ARHGAP40: variants seen among roughly 807,000 people sequenced by gnomAD.
ARHGAP40 encodes rho GTPase-activating protein 40.
ARHGAP40 carries 43 observed loss-of-function variants against 73.5 expected under a neutral mutation model. The observed-to-expected ratio is 0.58, with a 90% CI of 0.46 to 0.75. The LOEUF is 0.75. Ranked by LOEUF, ARHGAP40 falls within the 30% of genes least tolerant of loss-of-function variation. ARHGAP40 has a pLI of 0.00. For missense variants in ARHGAP40, 734 were observed against 861.8 expected (o/e 0.85, Z 1.86); for synonymous variants, 300 against 352.8 (o/e 0.85, Z 1.68).
At chr20:38,628,231 GTC>G (rs2088914654) in intron 3 of ARHGAP40, among the ~76,000 whole-genome samples, 1 of 152,180 alleles carries the variant, frequency 6.6e-6, no homozygotes, top group Admixed American at 6.5e-5. Flanking sequence ...CTGTGGGCAT[GTC>G]TTATGGAGAG....
intron 14 of ARHGAP40, 44 bp from the exon 15 acceptor site, chr20:38,649,713 C>T (rs778820245): frequency 8.2e-7 from 1 of 1,221,056 alleles, no homozygotes; most frequent in Non-Finnish European, 1.1e-6. Flanking sequence ...AACAGCATCT[C>T]CTACAGCCTC....
At chr20:38,634,216 G>A (rs1255657213) in intron 5 of ARHGAP40, among the ~76,000 whole-genome samples, 1 of 152,104 alleles carries the variant, frequency 6.6e-6, no homozygotes, top group Non-Finnish European at 1.5e-5. Flanking sequence ...GCCAGGTGTC[G>A]AGGTGCACAC....
chr20:38,627,633 G>GGGTGTGTGTGGGAGTGTGTT (rs2088910166), intron 3 of ARHGAP40, among the ~76,000 whole-genome samples: 1 of 139,494 alleles, frequency 7.2e-6, no homozygotes, highest in African/African-American at 2.7e-5. Flanking sequence ...GTGTGTGTTG[G>GGGTGTGTGTGGGAGTGTGTT]GGTGTGTGTG....
Position 38,639,134 on chromosome 20 carries a change from T to C in ARHGAP40, c.1120-93T>C, listed in dbSNP as rs890806775. 4.9e-6 allele frequency: 6 copies of C among 1,228,288 alleles called. No individual in the cohort carries two copies. The African/African-American group carries it at 9.4e-5, about 19-fold the overall frequency. The allele number at this position is 1,228,288 out of a possible 1,614,324, so 76.1% of individuals were successfully genotyped here. A position where few individuals can be genotyped will look rare whatever the true frequency, so the allele number is the denominator to read the frequency against. On this transcript the variant is annotated intron_variant, in intron 8 of 14. Transcript: ENST00000373345. The stretch of plus-strand genomic sequence containing the variant: ...GGAGGTGCTCTTGTTGTCCCCACTT[T>C]GCAGATGAGGAAACCAAGCCCCAGA...
At chr20:38,627,618 GGT>G (rs200557725) in intron 3 of ARHGAP40, among the ~76,000 whole-genome samples, 13 of 81,720 alleles carry the variant, frequency 1.6e-4, no homozygotes, top group East Asian at 5.2e-4. Context: ...TGTGTGTGTT[GGT>G]GTGTGTGTGT....
chr20:38,639,240 A>C (rs1314119490), exon 9 of ARHGAP40: 1 of 1,305,458 alleles, frequency 7.7e-7, no homozygotes, highest in African/African-American at 1.5e-5. Context: ...CTGGAACAGA[A>C]ACTGGAGAGA....
At chr20:38,637,759 A>G in exon 7 of ARHGAP40, 2 of 1,305,318 alleles carry the variant, frequency 1.5e-6, no homozygotes, top group Non-Finnish European at 2.0e-6. Context: ...GCTGACCACA[A>G]AGTCCTCCCC....
intron 3 of ARHGAP40, among the ~76,000 whole-genome samples, chr20:38,628,316 T>C (rs2088915336): frequency 6.6e-6 from 1 of 151,910 alleles, no homozygotes; most frequent in Non-Finnish European, 1.5e-5. Context: ...ATCCTTTTTT[T>C]TTTTTTGAGA....
intron 2 of ARHGAP40, among the ~76,000 whole-genome samples, chr20:38,623,912 G>C (rs1320080711): frequency 6.6e-6 from 1 of 152,158 alleles, no homozygotes; most frequent in Non-Finnish European, 1.5e-5. Context: ...AATGTTCTAG[G>C]GAAATTCTAA....
At chr20:38,620,597 G>C (rs1444268519) in intron 1 of ARHGAP40, among the ~76,000 whole-genome samples, 3 of 152,240 alleles carry the variant, frequency 2.0e-5, no homozygotes, top group Admixed American at 1.3e-4. Context: ...TGTGCCCCCA[G>C]CATGGGGTGC....
intron 5 of ARHGAP40, 56 bp downstream of exon 5, chr20:38,629,706 G>A: frequency 1.6e-6 from 2 of 1,286,764 alleles, no homozygotes; most frequent in Non-Finnish European, 2.0e-6. Context: ...TCAGGCACCA[G>A]CACCCATCTC....
chr20:38,615,183 G>A (rs762352517), intron 1 of ARHGAP40: 115 of 825,680 alleles, frequency 1.4e-4, no homozygotes, highest in Non-Finnish European at 2.3e-4. Flanking sequence ...TGGGAGCTTG[G>A]TAAGTTCCAT....
In ARHGAP40 at chr20:38,648,714, G is replaced by C; in HGVS notation, c.1936+16G>C. 7.7e-7 allele frequency: 1 copy of C among 1,305,364 alleles called. No homozygotes were observed. The highest frequency in any genetic ancestry group is 1.0e-6 in the Non-Finnish European group (1 of 988,836). 80.9% of individuals were successfully genotyped at this position (1,305,364 alleles called of 1,614,324 possible). A position where few individuals can be genotyped will look rare whatever the true frequency, so the allele number is the denominator to read the frequency against. On this transcript the variant is annotated intron_variant, in intron 14 of 14. Coordinates refer to ENST00000373345, the Ensembl canonical transcript of ARHGAP40. Reference sequence around the variant, plus strand: ...GGGAATATCAGTAAGTTCCACTGTGGGAAACAGGAACAGAGCCCGGGTCCC... The same window carrying C: ...GGGAATATCAGTAAGTTCCACTGTGCGAAACAGGAACAGAGCCCGGGTCCC...
chr20:38,623,543 G>A, exon 2 of ARHGAP40: 1 of 1,289,850 alleles, frequency 7.8e-7, no homozygotes, highest in Non-Finnish European at 1.0e-6. Flanking sequence ...CGGGAATGAA[G>A]GCCAGCTTCC....
At chr20:38,639,455 G>A (rs1013545343) in intron 9 of ARHGAP40, 69 bp downstream of exon 9, 73 of 1,269,460 alleles carry the variant, frequency 5.8e-5, no homozygotes, top group Non-Finnish European at 7.2e-5. Flanking sequence ...GTGGAGAGGG[G>A]AAGCCATGCA....
At chr20:38,624,050 A>G (rs928283355) in intron 2 of ARHGAP40, among the ~76,000 whole-genome samples, 1 of 152,200 alleles carries the variant, frequency 6.6e-6, no homozygotes, top group Non-Finnish European at 1.5e-5. Flanking sequence ...GCAATAATCA[A>G]TTATTATGAC....
Position 38,643,914 on chromosome 20 carries a change from A to G in ARHGAP40, c.1569+4A>G, listed in dbSNP as rs2089035658. 5.4e-6 allele frequency: 7 copies of G among 1,293,564 alleles called. No individual in the cohort carries two copies. The highest frequency in any genetic ancestry group is 7.1e-6 in the Non-Finnish European group (7 of 981,770). The allele number at this position is 1,293,564 out of a possible 1,614,324, so 80.1% of individuals were successfully genotyped here. On this transcript the variant is annotated splice_donor_region_variant and intron_variant, in intron 11 of 14. Transcript: ENST00000373345. ...CTACCAGGATCTGCTGTGGACGGTG[A>G]GTGCTGCTGGGCGCTGGGTATCCCT...
chr20:38,611,115 C>T (rs1324842330), intron 1 of ARHGAP40, among the ~76,000 whole-genome samples: 3 of 152,094 alleles, frequency 2.0e-5, no homozygotes. Flanking sequence ...GTCTCGAACT[C>T]CTGGTCTCAA....
chr20:38,613,648 G>A (rs1259417615), intron 1 of ARHGAP40, among the ~76,000 whole-genome samples: 7 of 152,184 alleles, frequency 4.6e-5, no homozygotes, highest in Non-Finnish European at 7.3e-5. Context: ...CCCAGCGTGG[G>A]TCCTCTGTTC....
Sources: gnomAD v4.1 joint callset for allele counts (sites outside exome capture counted in the v4.1 genomes callset) on GRCh38, gnomAD v4.1.1 for gene constraint, MANE v1.5 for transcripts, NCBI Gene and HGNC (gene_info 2026-07-23, HGNC 2026-07-21) for gene names.